PLS3: variants seen among roughly 807,000 people sequenced by gnomAD.
The protein encoded by PLS3 is plastin 3, also known as plastin-3.
PLS3 carries 11 observed loss-of-function variants against 46.5 expected under a neutral mutation model. That is an observed-to-expected ratio of 0.24 (90% CI 0.15 to 0.39). PLS3 has a LOEUF of 0.39. Among genes scored for constraint, PLS3 ranks in the 10% least tolerant of loss-of-function variants. PLS3 has a pLI of 1.00. For synonymous variants in PLS3, 167 were observed against 162.2 expected (o/e 1.03, Z -0.22); for missense variants, 308 against 461.8 (o/e 0.67, Z 3.05).
intron 3 of PLS3, 29 bp from the exon 4 acceptor site, chrX:115,629,169 T>C (rs1556638875): frequency 9.8e-7 from 1 of 1,018,215 alleles, no homozygotes; most frequent in South Asian, 2.0e-5. Context: ...AAATTAATTG[T>C]GAATCAACAA....
chrX:115,587,690 G>A (rs1460552183), intron 1 of PLS3, among the ~76,000 whole-genome samples: 2 of 105,870 alleles, frequency 1.9e-5, no homozygotes, highest in Non-Finnish European at 3.9e-5. Flanking sequence ...AGCCGAGATC[G>A]CGCCACTGCA....
chrX:115,562,648 T>A (rs1556629716), intron 1 of PLS3: 1 of 111,434 alleles, frequency 9.0e-6, no homozygotes, highest in Non-Finnish European at 1.9e-5. Flanking sequence ...GATGTCACAA[T>A]GGACTGGGGA....
At chrX:115,578,389 T>C (rs1401636377) in intron 1 of PLS3, among the ~76,000 whole-genome samples, 2 of 111,913 alleles carry the variant, frequency 1.8e-5, no homozygotes, top group Non-Finnish European at 3.8e-5. Context: ...GAACTGACTA[T>C]ATATGCTAAG....
intron 15 of PLS3, among the ~76,000 whole-genome samples, chrX:115,648,421 TTAC>T (rs1176257505): frequency 1.8e-5 from 2 of 111,788 alleles, no homozygotes; most frequent in African/African-American, 6.5e-5. Flanking sequence ...TAGATCATTC[TTAC>T]TACATTTATT....
chrX:115,634,618 A>C (rs377352088), intron 6 of PLS3, among the ~76,000 whole-genome samples: 1 of 112,087 alleles, frequency 8.9e-6, no homozygotes, highest in Admixed American at 9.6e-5. Flanking sequence ...TAGTGCCAGC[A>C]TACTTCAAAA....
chrX:115,620,724 T>C (rs1485055025), intron 2 of PLS3, among the ~76,000 whole-genome samples: 6 of 90,861 alleles, frequency 6.6e-5, no homozygotes, highest in African/African-American at 2.5e-4. Flanking sequence ...TTTTTTTTTT[T>C]TTTTTTGAGA....
chrX:115,626,463 T>C (rs140222318), intron 3 of PLS3, among the ~76,000 whole-genome samples: 1,698 of 109,786 alleles, frequency 0.015, 19 homozygotes, highest in Non-Finnish European at 0.025. Flanking sequence ...TTTGTGTTTT[T>C]AGTAGAGACA....
Position 115,625,548 on chromosome X carries a change from T to C in PLS3, c.237+3139T>C, listed in dbSNP as rs920256266. 2.5e-4 allele frequency among the ~76,000 whole-genome samples: 27 copies of C among 108,569 alleles called. 1 individual carries two copies. The highest frequency in any genetic ancestry group is 8.7e-4 in the African/African-American group (26 of 29,765). The allele number at this position is 108,569 out of a possible 115,157, so 94.3% of individuals were successfully genotyped here. Reference sequence around the variant, plus strand: ...GCTGCCCAGAACAGTCTTGGACATATAGTAAATACTATATAGGTGTTAGTT... The same window carrying C: ...GCTGCCCAGAACAGTCTTGGACATACAGTAAATACTATATAGGTGTTAGTT... On this transcript the variant is annotated intron_variant, in intron 3 of 15. Coordinates refer to ENST00000355899, the MANE Select transcript of PLS3 (RefSeq NM_005032.7).
intron 15 of PLS3, 61 bp from the exon 16 acceptor site, chrX:115,649,368 T>A (rs1556642173): frequency 2.1e-6 from 2 of 953,872 alleles, no homozygotes; most frequent in African/African-American, 3.8e-5. Context: ...GAAATAGATG[T>A]CTTACGTGGT....
At chrX:115,570,894 C>CT (rs369920378) in intron 1 of PLS3, among the ~76,000 whole-genome samples, 1,604 of 84,262 alleles carry the variant, frequency 0.019, 25 homozygotes, top group African/African-American at 0.023. Flanking sequence ...TTAATTTATT[C>CT]TTTTTTTTTT....
intron 1 of PLS3, among the ~76,000 whole-genome samples, chrX:115,584,153 T>G (rs2074294583): frequency 8.9e-6 from 1 of 111,899 alleles, no homozygotes; most frequent in Admixed American, 9.6e-5. Flanking sequence ...TTGCTTTGCA[T>G]TAAAAAGACA....
chrX:115,608,009 G>T (rs143261828), intron 1 of PLS3, among the ~76,000 whole-genome samples: 1,675 of 111,580 alleles, frequency 0.015, 21 homozygotes, highest in African/African-American at 0.048. Context: ...TATTGTGAGG[G>T]TTTAGGAAAT....
At chrX:115,614,497 C>G (rs1038417784) in intron 2 of PLS3, 1 of 751,685 alleles carries the variant, frequency 1.3e-6, no homozygotes, top group Non-Finnish European at 1.6e-6. Context: ...ACTCATTAAA[C>G]TGCCTCTTAT....
At chrX:115,633,556 T>A (rs1291552089) in intron 5 of PLS3, among the ~76,000 whole-genome samples, 1 of 110,932 alleles carries the variant, frequency 9.0e-6, no homozygotes, top group African/African-American at 3.3e-5. Context: ...AATGGTGTGA[T>A]CGTAGCTCAC....
At chrX:115,572,548 T>C (rs959809550) in intron 1 of PLS3, among the ~76,000 whole-genome samples, 1 of 111,061 alleles carries the variant, frequency 9.0e-6, no homozygotes, top group Non-Finnish European at 1.9e-5. Flanking sequence ...TGCCCAAAGT[T>C]CTTAAGTATA....
rs781985359 is a variant in PLS3, at chrX:115,620,601, C to T, written c.74-1645C>T. Among the ~76,000 whole-genome samples the T allele has an allele frequency of 1.5e-4, 16 of 110,188 alleles. No individual in the cohort carries two copies. The South Asian group carries it at 3.9e-3, about 27-fold the overall frequency. ...TATTTAGAAGCATCCCCAGCCTCTACGCACTGTATGCCAGGTGCTTCCAGT... is the reference window on the plus strand; with the variant it reads ...TATTTAGAAGCATCCCCAGCCTCTATGCACTGTATGCCAGGTGCTTCCAGT... On this transcript the variant is annotated intron_variant, in intron 2 of 15. Coordinates refer to ENST00000355899, the MANE Select transcript of PLS3 (RefSeq NM_005032.7).
chrX:115,636,237 C>T (rs868953291), intron 7 of PLS3, among the ~76,000 whole-genome samples: 4 of 92,901 alleles, frequency 4.3e-5, no homozygotes, highest in South Asian at 6.3e-4. Context: ...GACGGAGTCT[C>T]GCTCTGTTGC....
At position 115,649,467 on chromosome X, in the gene PLS3, T is replaced by C; in HGVS notation, c.1799T>C (p.Val600Ala). 1.7e-6 allele frequency: 2 copies of C among 1,204,789 alleles called. No individual in the cohort carries two copies. The highest frequency in any genetic ancestry group is 2.2e-6 in the Non-Finnish European group (2 of 889,951). The change falls in exon 16 of 16, where the codon GTG (valine) becomes GCG (alanine). Residue 600 changes from valine (V) to alanine (A), a missense_variant. Val to Ala is a moderately conservative substitution (Grantham distance 64). This residue lies in a region of PLS3 where 271 missense variants were observed against 435.7 expected (regional missense o/e 0.62). Transcript: ENST00000355899. ...ATGGCTAGAAGAATCGGAGCCAGAG[T>C]GTATGCTCTCCCTGAAGACCTTGTG... ...VSMARRIGARVYALPEDLVEV... is the reference protein window; with the variant it reads ...VSMARRIGARAYALPEDLVEV...
intron 15 of PLS3, 95 bp downstream of exon 15, chrX:115,648,112 A>G: frequency 1.6e-6 from 1 of 638,138 alleles, no homozygotes. Flanking sequence ...GAGTGGTGTC[A>G]CCTTGGGAGA....
Sources: gnomAD v4.1 joint callset for allele counts (sites outside exome capture counted in the v4.1 genomes callset) on GRCh38, gnomAD v4.1.1 for gene constraint, gnomAD v4.1.1 regional missense constraint, MANE v1.5 for transcripts, NCBI Gene and HGNC (gene_info 2026-07-23, HGNC 2026-07-21) for gene names.